Variants in FARS2 observed in about 807,000 individuals in gnomAD.
FARS2 encodes phenylalanine--tRNA ligase, mitochondrial.
In FARS2, 40 loss-of-function variants were observed where a neutral mutation model predicts 46.4. The observed-to-expected ratio is 0.86, with a 90% CI of 0.67 to 1.12. The LOEUF (loss-of-function observed/expected upper bound fraction) is 1.12, where lower values mean the gene tolerates loss of function less well. FARS2 is among the 50% of genes most tolerant of loss of function. FARS2 has a pLI of 0.00. For missense variants in FARS2, 513 were observed against 567.9 expected (o/e 0.90, Z 0.98); for synonymous variants, 234 against 214.9 (o/e 1.09, Z -0.78).
intron 5 of FARS2, among the ~76,000 whole-genome samples, chr6:5,578,101 G>A (rs1773094022): frequency 6.6e-6 from 1 of 152,010 alleles, no homozygotes; most frequent in African/African-American, 2.4e-5. Flanking sequence ...CTTTTATTGT[G>A]TTCTCTTGCA....
intron 1 of FARS2, among the ~76,000 whole-genome samples, chr6:5,308,923 T>C (rs1483511846): frequency 6.6e-6 from 1 of 152,166 alleles, no homozygotes; most frequent in Non-Finnish European, 1.5e-5. Flanking sequence ...CCCTGTATCA[T>C]TATAGAAGAG....
intron 1 of FARS2, among the ~76,000 whole-genome samples, chr6:5,305,203 C>T (rs1201686335): frequency 6.6e-6 from 1 of 152,194 alleles, no homozygotes; most frequent in East Asian, 1.9e-4. Context: ...CAGTTTTCTT[C>T]AATTTGTTAT....
chr6:5,391,844 A>G (rs1760539013), intron 2 of FARS2, among the ~76,000 whole-genome samples: 1 of 152,144 alleles, frequency 6.6e-6, no homozygotes, highest in Non-Finnish European at 1.5e-5. Context: ...CTTAAATCTG[A>G]TTAGAAGTAA....
intron 4 of FARS2, among the ~76,000 whole-genome samples, chr6:5,450,402 T>C (rs1034399486): frequency 1.3e-5 from 2 of 151,412 alleles, no homozygotes; most frequent in Non-Finnish European, 2.9e-5. Context: ...GCAAACTAGT[T>C]TGGTAAGGGG....
intron 6 of FARS2, among the ~76,000 whole-genome samples, chr6:5,719,171 C>G (rs1474035543): frequency 1.3e-5 from 2 of 151,742 alleles, no homozygotes; most frequent in Non-Finnish European, 2.9e-5. Context: ...TAGCTTGAGC[C>G]CAGGAGTTCA....
At chr6:5,607,224 T>C (rs1289707819) in intron 5 of FARS2, among the ~76,000 whole-genome samples, 2 of 152,024 alleles carry the variant, frequency 1.3e-5, no homozygotes, top group Non-Finnish European at 2.9e-5. Context: ...TCTTTTTTAG[T>C]AGCTGAATAG....
intron 6 of FARS2, among the ~76,000 whole-genome samples, chr6:5,710,995 T>G (rs753724728): frequency 1.3e-5 from 2 of 152,206 alleles, no homozygotes; most frequent in Non-Finnish European, 2.9e-5. Context: ...TCTACAAGTC[T>G]TCTTGGAGAA....
chr6:5,473,545 C>CGA (rs1428506303), intron 4 of FARS2, among the ~76,000 whole-genome samples: 1 of 141,774 alleles, frequency 7.1e-6, no homozygotes, highest in South Asian at 2.2e-4. Flanking sequence ...AAAAAAAAAA[C>CGA]AAAAAAAAAA....
chr6:5,545,925 C>A (rs150579764), intron 5 of FARS2, among the ~76,000 whole-genome samples: 25 of 152,030 alleles, frequency 1.6e-4, no homozygotes, highest in Admixed American at 9.8e-4. Flanking sequence ...GTCAAGAGTT[C>A]GAGACCAGCC....
At chr6:5,729,289 C>T (rs1198765499) in intron 6 of FARS2, among the ~76,000 whole-genome samples, 1 of 152,142 alleles carries the variant, frequency 6.6e-6, no homozygotes, top group African/African-American at 2.4e-5. Flanking sequence ...ATGAGGTGTC[C>T]CCAGAGCATC....
At chr6:5,521,112 A>AT (rs71828590) in intron 4 of FARS2, among the ~76,000 whole-genome samples, 3 of 151,608 alleles carry the variant, frequency 2.0e-5, no homozygotes, top group East Asian at 1.9e-4. Flanking sequence ...CTTTTAAATT[A>AT]TTTTTTTTAT....
intron 6 of FARS2, among the ~76,000 whole-genome samples, chr6:5,758,034 G>A (rs1762298011): frequency 6.6e-6 from 1 of 152,158 alleles, no homozygotes; most frequent in East Asian, 1.9e-4. Context: ...AGGTTGTATG[G>A]GATAGTCACG....
At chr6:5,510,315 A>G (rs1752903794) in intron 4 of FARS2, among the ~76,000 whole-genome samples, 1 of 152,120 alleles carries the variant, frequency 6.6e-6, no homozygotes, top group Admixed American at 6.5e-5. Context: ...TCGACCCCTT[A>G]GGGGAGATGC....
At chr6:5,756,029 T>C (rs961334886) in intron 6 of FARS2, among the ~76,000 whole-genome samples, 1 of 152,252 alleles carries the variant, frequency 6.6e-6, no homozygotes, top group African/African-American at 2.4e-5. Flanking sequence ...TTCCCTAGTC[T>C]GCTGTTACAT....
intron 3 of FARS2, among the ~76,000 whole-genome samples, chr6:5,421,354 CAGGCCTGT>C: frequency 6.6e-6 from 1 of 152,328 alleles, no homozygotes; most frequent in East Asian, 1.9e-4. Flanking sequence ...TGTAGGCCTC[CAGGCCTGT>C]GATGAGAAGG....
At chr6:5,741,383 C>T (rs967117692) in intron 6 of FARS2, among the ~76,000 whole-genome samples, 4 of 152,108 alleles carry the variant, frequency 2.6e-5, no homozygotes, top group Non-Finnish European at 5.9e-5. Flanking sequence ...CGTGTCTTTC[C>T]CTGCCCTTCT....
chr6:5,546,929 GTTATTTTATTTTATT>G (rs58939691), intron 5 of FARS2, among the ~76,000 whole-genome samples: 3 of 151,050 alleles, frequency 2.0e-5, no homozygotes, highest in African/African-American at 4.9e-5. Flanking sequence ...ATTCATAATG[GTTATTTTATTTTATT>G]TTATTTTATT....
chr6:5,325,087 T>C (rs1770269076), intron 1 of FARS2, among the ~76,000 whole-genome samples: 1 of 152,192 alleles, frequency 6.6e-6, no homozygotes, highest in Non-Finnish European at 1.5e-5. Context: ...TTTTGTTCGG[T>C]CTTTTTAGTT....
intron 1 of FARS2, among the ~76,000 whole-genome samples, chr6:5,273,784 G>A (rs987129050): frequency 1.3e-5 from 2 of 152,080 alleles, no homozygotes; most frequent in Admixed American, 6.6e-5. Flanking sequence ...ATGTATTCTT[G>A]TAGTAGTTTC....
Sources: allele counts gnomAD v4.1 joint callset (sites outside exome capture counted in the v4.1 genomes callset), GRCh38; gene constraint gnomAD v4.1.1; transcripts MANE v1.5; gene names NCBI Gene and HGNC (gene_info 2026-07-23, HGNC 2026-07-21).